The following MTHFD2L variants were observed in gnomAD, a reference collection of about 807,000 sequenced individuals.
The protein encoded by MTHFD2L is bifunctional methylenetetrahydrofolate dehydrogenase/cyclohydrolase 2, mitochondrial.
A neutral mutation model predicts 34.9 loss-of-function variants in MTHFD2L; 29 were observed. The observed-to-expected ratio is 0.83, with a 90% confidence interval of 0.62 to 1.13. The LOEUF is 1.13. Ranked by LOEUF, MTHFD2L falls within the 50% of genes most tolerant of loss-of-function variation. MTHFD2L has a pLI of 0.00. For synonymous variants in MTHFD2L, 167 were observed against 155.7 expected (o/e 1.07, Z -0.54); for missense variants, 481 against 446.5 (o/e 1.08, Z -0.70).
intron 5 of MTHFD2L, among the ~76,000 whole-genome samples, chr4:74,208,290 C>G (rs1398864838): frequency 6.6e-6 from 1 of 152,156 alleles, no homozygotes; most frequent in African/African-American, 2.4e-5. Context: ...GTTTCATTTT[C>G]AGTGTCTTCT....
intron 1 of MTHFD2L, among the ~76,000 whole-genome samples, chr4:74,126,179 T>G (rs1722058864): frequency 1.3e-5 from 2 of 152,202 alleles, no homozygotes; most frequent in Admixed American, 1.3e-4. Flanking sequence ...ACTGTGACTT[T>G]AAATGAAATG....
At chr4:74,221,346 G>C (rs953823524) in intron 5 of MTHFD2L, among the ~76,000 whole-genome samples, 1 of 151,612 alleles carries the variant, frequency 6.6e-6, no homozygotes. Context: ...TCCTTGATCT[G>C]TCATGAACTG....
chr4:74,208,712 A>G (rs1195809882), intron 5 of MTHFD2L, among the ~76,000 whole-genome samples: 1 of 152,158 alleles, frequency 6.6e-6, no homozygotes, highest in Non-Finnish European at 1.5e-5. Flanking sequence ...CCACCCAGGA[A>G]CAGGAAAGGC....
At chr4:74,230,743 T>G (rs1739916865) in intron 6 of MTHFD2L, among the ~76,000 whole-genome samples, 2 of 152,166 alleles carry the variant, frequency 1.3e-5, no homozygotes, top group South Asian at 4.1e-4. Context: ...TTGCACAAGC[T>G]ACTGATAAAG....
chr4:74,175,506 C>G, intron 3 of MTHFD2L, 103 bp downstream of exon 3: 1 of 1,215,774 alleles, frequency 8.2e-7, no homozygotes, highest in Non-Finnish European at 1.2e-6. Flanking sequence ...AAAATACATT[C>G]AGAAGGAGAC....
intron 3 of MTHFD2L, among the ~76,000 whole-genome samples, chr4:74,179,812 C>T (rs936614450): frequency 6.6e-6 from 1 of 151,984 alleles, no homozygotes; most frequent in African/African-American, 2.4e-5. Context: ...CTTTCTGGAG[C>T]CCACTGATTG....
At chr4:74,217,350 T>G (rs1431802018) in intron 5 of MTHFD2L, among the ~76,000 whole-genome samples, 1 of 151,910 alleles carries the variant, frequency 6.6e-6, no homozygotes, top group Non-Finnish European at 1.5e-5. Flanking sequence ...ATTTATGTAT[T>G]CATTGCTTAA....
chr4:74,248,767 C>G (rs1742865649), intron 6 of MTHFD2L, among the ~76,000 whole-genome samples: 2 of 151,702 alleles, frequency 1.3e-5, no homozygotes, highest in Non-Finnish European at 2.9e-5. Context: ...GCAGGTTGTT[C>G]AGTTTCCATG....
chr4:74,233,097 G>A (rs369105819), intron 6 of MTHFD2L, among the ~76,000 whole-genome samples: 3 of 152,188 alleles, frequency 2.0e-5, no homozygotes, highest in Admixed American at 1.3e-4. Flanking sequence ...AGGCTTACAC[G>A]TGTGTTTAAT....
intron 3 of MTHFD2L, among the ~76,000 whole-genome samples, chr4:74,185,323 A>G (rs1454526917): frequency 1.3e-5 from 2 of 152,042 alleles, no homozygotes; most frequent in Non-Finnish European, 2.9e-5. Context: ...GGATTCTATT[A>G]AAGCAGTACT....
chr4:74,271,490 G>A (rs1745974635), intron 6 of MTHFD2L, among the ~76,000 whole-genome samples: 1 of 152,180 alleles, frequency 6.6e-6, no homozygotes, highest in South Asian at 2.1e-4. Context: ...TAGATGTGTG[G>A]TATTATTTCT....
intron 6 of MTHFD2L, among the ~76,000 whole-genome samples, chr4:74,234,411 C>T (rs1029089477): frequency 6.6e-6 from 1 of 152,020 alleles, no homozygotes; most frequent in Non-Finnish European, 1.5e-5. Flanking sequence ...CTATGACTTT[C>T]AAGTTTGCCC....
At chr4:74,163,938 C>T (rs910518884) in intron 1 of MTHFD2L, among the ~76,000 whole-genome samples, 59 of 152,186 alleles carry the variant, frequency 3.9e-4, no homozygotes, top group African/African-American at 1.4e-3. Flanking sequence ...TGCAATAGCA[C>T]GATCTTGGCT....
chr4:74,133,025 A>C (rs1722666571), intron 1 of MTHFD2L, among the ~76,000 whole-genome samples: 1 of 152,116 alleles, frequency 6.6e-6, no homozygotes, highest in Non-Finnish European at 1.5e-5. Context: ...ATATGTTAGC[A>C]TTTTTTAATT....
At chr4:74,215,763 G>C (rs1485081557) in intron 5 of MTHFD2L, among the ~76,000 whole-genome samples, 1 of 151,764 alleles carries the variant, frequency 6.6e-6, no homozygotes, top group Non-Finnish European at 1.5e-5. Context: ...AAAAGGGGAG[G>C]AGAGGGCTGG....
chr4:74,256,507 C>G (rs1490820928), intron 6 of MTHFD2L, among the ~76,000 whole-genome samples: 1 of 152,118 alleles, frequency 6.6e-6, no homozygotes, highest in Non-Finnish European at 1.5e-5. Context: ...AGATTTTCTT[C>G]TACGATTCTT....
In MTHFD2L at chr4:74,158,151, G is replaced by C. The variant is rs894081945; in HGVS notation, c.13G>C (p.Val5Leu). 1.4e-5 allele frequency: 22 copies of C among 1,530,456 alleles called. No homozygotes were observed. In the African/African-American group the frequency reaches 2.9e-4, roughly 20 times the overall value. 94.8% of individuals were successfully genotyped at this position (1,530,456 alleles called of 1,614,324 possible). ...GGGATCCGCGGCCATGACGGTGCCGGTCCGCGGCTTCTCGCTGCTCCGCGG... is the reference window on the plus strand; with the variant it reads ...GGGATCCGCGGCCATGACGGTGCCGCTCCGCGGCTTCTCGCTGCTCCGCGG... MTVPVRGFSLLRGRL... is the reference protein window; with the variant it reads MTVPLRGFSLLRGRL... The change falls in exon 1 of 8, where the codon GTC (valine) becomes CTC (leucine). Residue 5 changes from valine to leucine, a missense_variant. Physicochemically the swap from Val to Leu is conservative, Grantham distance 32 (BLOSUM62 1). Coordinates refer to ENST00000325278, the MANE Select transcript of MTHFD2L (RefSeq NM_001144978.3).
At position 74,160,170 on chromosome 4, in the gene MTHFD2L, C is replaced by G. The variant is rs983474336; in HGVS notation, c.143+1889C>G. The G allele has an allele frequency of 2.5e-5, 26 of 1,052,128 alleles. No individual in the cohort carries two copies. The East Asian group carries it at 5.9e-4, about 24-fold the overall frequency. 65.2% of individuals were successfully genotyped at this position (1,052,128 alleles called of 1,614,324 possible). ...ATAATGACACATTAGTTGTCTAGTT[C>G]TTCATAGTTAATGTGGTTTAAGTCT... On this transcript the variant is annotated intron_variant, in intron 1 of 7. Coordinates refer to ENST00000325278, the MANE Select transcript of MTHFD2L (RefSeq NM_001144978.3).
intron 1 of MTHFD2L, chr4:74,161,971 A>G (rs1578293456): frequency 6.6e-6 from 1 of 152,256 alleles, no homozygotes; most frequent in East Asian, 1.9e-4. Flanking sequence ...ATGCTAAATT[A>G]AAGAAATGAT....
Sources: allele counts gnomAD v4.1 joint callset (sites outside exome capture counted in the v4.1 genomes callset), GRCh38; gene constraint gnomAD v4.1.1; transcripts MANE v1.5; gene names NCBI Gene and HGNC (gene_info 2026-07-23, HGNC 2026-07-21).